The following GPATCH8 variants were observed in gnomAD, a reference collection of about 807,000 sequenced individuals.
The protein encoded by GPATCH8 is G patch domain-containing protein 8.
A neutral mutation model predicts 118.3 loss-of-function variants in GPATCH8; 18 were observed. The observed-to-expected ratio is 0.15, with a 90% CI of 0.11 to 0.23. The LOEUF (loss-of-function observed/expected upper bound fraction) is 0.23, where lower values mean the gene tolerates loss of function less well. Ranked by LOEUF, GPATCH8 falls within the 10% of genes least tolerant of loss-of-function variation. GPATCH8 has a pLI of 1.00. For synonymous variants in GPATCH8, 659 were observed against 684.7 expected (o/e 0.96, Z 0.59); for missense variants, 1,631 against 1,873.8 (o/e 0.87, Z 2.39).
intron 6 of GPATCH8, among the ~76,000 whole-genome samples, chr17:44,411,338 T>C (rs2049423693): frequency 1.3e-5 from 2 of 152,204 alleles, no homozygotes; most frequent in African/African-American, 2.4e-5. Flanking sequence ...CTGCACAGTG[T>C]TCTCTAACAA....
chr17:44,493,054 GTTT>G (rs398039127), intron 1 of GPATCH8, among the ~76,000 whole-genome samples: 5 of 124,384 alleles, frequency 4.0e-5, no homozygotes, highest in Non-Finnish European at 4.9e-5. Flanking sequence ...AAGCCATTAG[GTTT>G]TTTTTTTTTT....
rs144413934 is a variant in GPATCH8 at position 44,472,857 on chromosome 17, G to A, written c.120+1972C>T. ...ACTACAGGTGCCTACCACTGCGCCC[G>A]GCTAATTTTTGTATTTTTAGTAGAG... On this transcript the variant is annotated intron_variant, in intron 2 of 7. Transcript: ENST00000591680. 7.3e-3 allele frequency among the ~76,000 whole-genome samples: 1,103 copies of A among 151,606 alleles called. 13 individuals are homozygous for A. The highest frequency in any genetic ancestry group is 0.044 in the Middle Eastern group (13 of 294).
intron 2 of GPATCH8, chr17:44,473,150 T>G (rs1349737851): frequency 6.6e-6 from 1 of 152,254 alleles, no homozygotes; most frequent in Non-Finnish European, 1.5e-5. Context: ...TTTTTTTTTT[T>G]TTGAGACAGA....
In GPATCH8 at chr17:44,398,313, G is replaced by C; in HGVS notation, c.3764C>G (p.Ser1255Cys). Residue 1255 changes from serine to cysteine, a missense_variant, in exon 8 of 8, where the codon TCC becomes TGC. Ser to Cys is a moderately radical substitution (Grantham distance 112). Transcript: ENST00000591680. ...GCCTGGCTGACTGCTGCTATCCAGG[G>C]ACTCCAGGGTGTCCCCATCACTGGG... ...PDPSDGDTLE[S>C]LDSSSQPGPV... 1.9e-6 allele frequency: 3 copies of C among 1,614,030 alleles called. No homozygotes were observed. The highest frequency in any genetic ancestry group is 2.5e-6 in the Non-Finnish European group (3 of 1,179,974).
intron 3 of GPATCH8, among the ~76,000 whole-genome samples, chr17:44,441,015 A>G (rs2144083191): frequency 6.6e-6 from 1 of 152,136 alleles, no homozygotes; most frequent in Non-Finnish European, 1.5e-5. Context: ...CACCCAGCTA[A>G]TTATTTTGTA....
At chr17:44,498,811 T>C (rs1404984644) in intron 1 of GPATCH8, among the ~76,000 whole-genome samples, 2 of 152,226 alleles carry the variant, frequency 1.3e-5, no homozygotes, top group African/African-American at 4.8e-5. Flanking sequence ...CCATGTGTCA[T>C]ATCTGGCATA....
At chr17:44,426,449 A>C (rs968420207) in intron 5 of GPATCH8, among the ~76,000 whole-genome samples, 2 of 152,028 alleles carry the variant, frequency 1.3e-5, no homozygotes, top group South Asian at 2.1e-4. Context: ...CCAAAAATAC[A>C]AAACATTAGC....
intron 7 of GPATCH8, among the ~76,000 whole-genome samples, chr17:44,405,383 T>C (rs540516956): frequency 8.5e-4 from 130 of 152,130 alleles, no homozygotes; most frequent in African/African-American, 3.1e-3. Flanking sequence ...TAATTTTGTA[T>C]TTTTAGTATA....
intron 1 of GPATCH8, among the ~76,000 whole-genome samples, chr17:44,487,615 T>G (rs775595977): frequency 6.6e-6 from 1 of 152,232 alleles, no homozygotes; most frequent in Non-Finnish European, 1.5e-5. Flanking sequence ...TGATGGTGTC[T>G]TTTGCAGAAC....
intron 1 of GPATCH8, among the ~76,000 whole-genome samples, chr17:44,482,952 C>T (rs1416449271): frequency 6.7e-6 from 1 of 148,906 alleles, no homozygotes; most frequent in Non-Finnish European, 1.5e-5. Flanking sequence ...GTCAGGAGAT[C>T]GAGACCATCC....
intron 5 of GPATCH8, among the ~76,000 whole-genome samples, chr17:44,430,712 G>C (rs370532308): frequency 6.6e-6 from 1 of 151,636 alleles, no homozygotes; most frequent in Non-Finnish European, 1.5e-5. Context: ...GTGCGATCTT[G>C]GCTCACTGCA....
At chr17:44,495,300 T>C (rs1409474562) in intron 1 of GPATCH8, among the ~76,000 whole-genome samples, 1 of 152,078 alleles carries the variant, frequency 6.6e-6, no homozygotes, top group African/African-American at 2.4e-5. Flanking sequence ...TGCCACTGCA[T>C]TCTAGCCTGG....
intron 3 of GPATCH8, among the ~76,000 whole-genome samples, chr17:44,457,280 G>A (rs1220705699): frequency 6.6e-6 from 1 of 152,110 alleles, no homozygotes; most frequent in Non-Finnish European, 1.5e-5. Context: ...GCACACTCCT[G>A]TATGCCCACA....
intron 6 of GPATCH8, among the ~76,000 whole-genome samples, chr17:44,411,959 G>C (rs555378173): frequency 2.6e-5 from 4 of 152,132 alleles, no homozygotes; most frequent in African/African-American, 7.2e-5. Context: ...TTTCACTCTT[G>C]TTGCCCAGGC....
At chr17:44,475,787 A>C (rs62078765) in intron 1 of GPATCH8, among the ~76,000 whole-genome samples, 7,490 of 152,232 alleles carry the variant, frequency 0.049, 234 homozygotes, top group Middle Eastern at 0.071. Context: ...GCACTTTGGG[A>C]GGCTGAGGCG....
intron 5 of GPATCH8, among the ~76,000 whole-genome samples, chr17:44,424,953 T>A (rs1298825343): frequency 6.6e-6 from 1 of 152,168 alleles, no homozygotes; most frequent in Non-Finnish European, 1.5e-5. Flanking sequence ...CCCACAGATA[T>A]GTGTTATCTG....
chr17:44,464,938 T>G, intron 2 of GPATCH8: 2 of 186,096 alleles, frequency 1.1e-5, no homozygotes, highest in Non-Finnish European at 2.3e-5. Flanking sequence ...TTAAGATTTT[T>G]TTTTTTTTAA....
rs980311306 is a variant in GPATCH8, at chr17:44,434,387, T to C, written c.348+678A>G. 2.0e-5 allele frequency among the ~76,000 whole-genome samples: 3 copies of C among 152,022 alleles called. No homozygotes were observed. In the East Asian group the frequency reaches 5.8e-4, roughly 29 times the overall value. On this transcript the variant is annotated intron_variant, in intron 5 of 7. Coordinates refer to ENST00000591680, the MANE Select transcript of GPATCH8 (RefSeq NM_001002909.4). ...TAAAATAAAACACACAAAAATTTAA[T>C]ATATAGCTAAGCTAAGTTCAAAAAC...
chr17:44,431,148 A>G (rs1163515090), intron 5 of GPATCH8, among the ~76,000 whole-genome samples: 1 of 151,358 alleles, frequency 6.6e-6, no homozygotes, highest in African/African-American at 2.4e-5. Flanking sequence ...AGGCAGGCGG[A>G]TCACTTGAGG....
Sources: allele counts gnomAD v4.1 joint callset (sites outside exome capture counted in the v4.1 genomes callset), GRCh38; gene constraint gnomAD v4.1.1; transcripts MANE v1.5; gene names NCBI Gene and HGNC (gene_info 2026-07-23, HGNC 2026-07-21).